The following FSTL4 variants were observed in gnomAD, a reference collection of about 807,000 sequenced individuals.
The protein encoded by FSTL4 is follistatin like 4, also known as follistatin-related protein 4.
FSTL4 carries 28 observed loss-of-function variants against 78.2 expected under a neutral mutation model. That is an observed-to-expected ratio of 0.36 (90% CI 0.27 to 0.49). The LOEUF is 0.49. FSTL4 is among the 20% of genes least tolerant of loss of function. The probability of loss-of-function intolerance (pLI) is 0.98; values close to 1 mark genes in which losing one functional copy is unlikely to be tolerated. For synonymous variants in FSTL4, 422 were observed against 440.5 expected (o/e 0.96, Z 0.53); for missense variants, 922 against 1,084.9 (o/e 0.85, Z 2.11).
At chr5:133,203,748 T>A (rs1750403233) in intron 14 of FSTL4, among the ~76,000 whole-genome samples, 1 of 152,220 alleles carries the variant, frequency 6.6e-6, no homozygotes, top group Admixed American at 6.5e-5. Flanking sequence ...ATCAGGCCTG[T>A]CATTTTAGCT....
Position 133,199,823 on chromosome 5 carries a change from A to G in FSTL4, c.1827-26T>C, listed in dbSNP as rs550808563. ...CTGGGAGGGGAAGAACTGAGGTCAG[A>G]AGTTGCCTCCAGGGGTGGGGAATCT... On this transcript the variant is annotated intron_variant, in intron 15 of 15. Coordinates refer to ENST00000265342, the MANE Select transcript of FSTL4 (RefSeq NM_015082.2). The surrounding 1 kb of genome is among the most constrained non-coding windows in gnomAD (Gnocchi z 4.4). 28 of 1,345,916 alleles carry G rather than the reference A, an allele frequency of 2.1e-5. No individual in the cohort carries two copies. The Admixed American group carries it at 2.5e-4, about 12-fold the overall frequency. The allele number at this position is 1,345,916 out of a possible 1,614,324, so 83.4% of individuals were successfully genotyped here.
chr5:133,501,319 G>A (rs1021272981), intron 3 of FSTL4, among the ~76,000 whole-genome samples: 5 of 152,112 alleles, frequency 3.3e-5, no homozygotes, highest in Non-Finnish European at 7.4e-5. Flanking sequence ...CTGGGGATTG[G>A]AGCACAAAAT....
intron 2 of FSTL4, among the ~76,000 whole-genome samples, chr5:133,591,367 G>C (rs1760622562): frequency 6.6e-6 from 1 of 152,182 alleles, no homozygotes; most frequent in Non-Finnish European, 1.5e-5. Flanking sequence ...CTGCTCTGAA[G>C]ATCCAAAAAT....
chr5:133,262,171 C>G (rs1368529149), intron 6 of FSTL4, among the ~76,000 whole-genome samples: 1 of 152,202 alleles, frequency 6.6e-6, no homozygotes, highest in Non-Finnish European at 1.5e-5. Context: ...CAAGCACTGG[C>G]CTTGAGATAA....
At chr5:133,460,031 CT>C (rs1170519446) in intron 3 of FSTL4, among the ~76,000 whole-genome samples, 5 of 152,198 alleles carry the variant, frequency 3.3e-5, no homozygotes, top group Non-Finnish European at 5.9e-5. Context: ...GAGTAAATGA[CT>C]TTGTAACTTT....
At chr5:133,645,870 G>A in the FSTL4 span, among the ~76,000 whole-genome samples, 2 of 152,294 alleles carry the variant, frequency 1.3e-5, no homozygotes, top group Admixed American at 1.3e-4. Flanking sequence ...TTTGGAGGGA[G>A]CATGGCCCTC....
the FSTL4 span, among the ~76,000 whole-genome samples, chr5:133,707,698 G>A: frequency 3.3e-5 from 5 of 152,142 alleles, no homozygotes; most frequent in Admixed American, 1.3e-4. Flanking sequence ...CTTCAGAGGA[G>A]GAAGTATAGG....
rs547892019 is a variant in FSTL4, at chr5:133,263,872, G to T, written c.728-14296C>A. Reference sequence around the variant, plus strand: ...TGAGGCAGGGGCACGGAGCCTGAGTGGGGGCCCAGCCTCTGATGGGGCAGA... The same window carrying T: ...TGAGGCAGGGGCACGGAGCCTGAGTTGGGGCCCAGCCTCTGATGGGGCAGA... On this transcript the variant is annotated intron_variant, in intron 6 of 15. Transcript: ENST00000265342. 2.6e-5 allele frequency among the ~76,000 whole-genome samples: 4 copies of T among 152,316 alleles called. No individual in the cohort carries two copies. In the East Asian group the frequency reaches 7.7e-4, roughly 29 times the overall value.
intron 3 of FSTL4, among the ~76,000 whole-genome samples, chr5:133,531,155 C>T (rs914532320): frequency 6.6e-6 from 1 of 152,204 alleles, no homozygotes; most frequent in Non-Finnish European, 1.5e-5. Flanking sequence ...TGATGGGATG[C>T]TCTCTTCACA....
intron 14 of FSTL4, among the ~76,000 whole-genome samples, chr5:133,205,314 C>T (rs1039338849): frequency 2.0e-5 from 3 of 152,166 alleles, no homozygotes; most frequent in African/African-American, 4.8e-5. Flanking sequence ...AGTGAACCAT[C>T]GTTGCATCCT....
chr5:133,220,167 C>CA (rs937544113), intron 12 of FSTL4, among the ~76,000 whole-genome samples: 13 of 152,368 alleles, frequency 8.5e-5, no homozygotes, highest in African/African-American at 2.6e-4. Flanking sequence ...AAGGGGAAGG[C>CA]ATATGGGGCA....
In FSTL4 at chr5:133,440,859, C is replaced by T. The variant is rs1379381278; in HGVS notation, c.161-39873G>A. Among the ~76,000 whole-genome samples, 1 of 152,156 alleles carries T rather than the reference C, an allele frequency of 6.6e-6. No homozygotes were observed. The highest frequency in any genetic ancestry group is 6.5e-5 in the Admixed American group (1 of 15,284). ...GCACCACACAGAGGAGGAATGTGTC[C>T]TAGAGGCTCAGATACAGTGGACTAC... On this transcript the variant is annotated intron_variant, in intron 3 of 15. Transcript: ENST00000265342. This position sits in a 1 kb window ranked among gnomAD's most constrained non-coding sequence, Gnocchi z 4.1.
chr5:133,207,784 A>C (rs35823488), intron 14 of FSTL4: 21,208 of 152,142 alleles, frequency 0.14, 1,896 homozygotes, highest in East Asian at 0.23. Context: ...AGTAGCTAGG[A>C]CTACAGGTGC....
intron 3 of FSTL4, among the ~76,000 whole-genome samples, chr5:133,502,611 C>T (rs1187781570): frequency 6.6e-6 from 1 of 152,110 alleles, no homozygotes; most frequent in African/African-American, 2.4e-5. Context: ...AGTGAGTTAT[C>T]ATGAGGTCCA....
chr5:133,648,702 A>C, the FSTL4 span, among the ~76,000 whole-genome samples: 1 of 152,218 alleles, frequency 6.6e-6, no homozygotes, highest in Non-Finnish European at 1.5e-5. Context: ...TGACTTTTAA[A>C]AAATGGACGA....
intron 7 of FSTL4, among the ~76,000 whole-genome samples, chr5:133,234,362 C>A (rs918942923): frequency 6.6e-6 from 1 of 152,198 alleles, no homozygotes; most frequent in East Asian, 1.9e-4. Context: ...CAGCCTCACA[C>A]GATGGGGTCT....
the FSTL4 span, among the ~76,000 whole-genome samples, chr5:133,736,135 A>AAGGAGTAT: frequency 6.6e-6 from 1 of 152,192 alleles, no homozygotes; most frequent in Non-Finnish European, 1.5e-5. Context: ...GGAGGCTTCC[A>AAGGAGTAT]AGGAGTATAG....
intron 6 of FSTL4, among the ~76,000 whole-genome samples, chr5:133,282,611 C>T (rs1306645982): frequency 6.6e-6 from 1 of 152,156 alleles, no homozygotes; most frequent in African/African-American, 2.4e-5. Context: ...GTCTTCCGTT[C>T]TGGGAATGAC....
the FSTL4 span, among the ~76,000 whole-genome samples, chr5:133,758,849 G>A: frequency 1.3e-5 from 2 of 152,194 alleles, no homozygotes; most frequent in African/African-American, 2.4e-5. Flanking sequence ...CTGAAGGTGT[G>A]GCTGGCTGGC....
Sources: gnomAD v4.1 joint callset for allele counts (sites outside exome capture counted in the v4.1 genomes callset) on GRCh38, gnomAD v4.1.1 for gene constraint, Gnocchi (gnomAD v3.1) non-coding constraint, MANE v1.5 for transcripts, NCBI Gene and HGNC (gene_info 2026-07-23, HGNC 2026-07-21) for gene names.